The following EVI5 variants were observed in gnomAD, a reference collection of about 807,000 sequenced individuals.
EVI5 encodes the protein ecotropic viral integration site 5 protein homolog.
In EVI5, 73 loss-of-function variants were observed where a neutral mutation model predicts 112.0. The ratio of observed to expected loss-of-function variants is 0.65; its 90% CI spans 0.54 to 0.79. The LOEUF is 0.79. Ranked by LOEUF, EVI5 falls within the 30% of genes least tolerant of loss-of-function variation. The pLI is 0.00. For synonymous variants in EVI5, 305 were observed against 319.9 expected (o/e 0.95, Z 0.50); for missense variants, 900 against 968.8 (o/e 0.93, Z 0.94).
In EVI5 at chr1:92,511,235, G is replaced by GGTCA. The variant is rs1346986571; in HGVS notation, c.*2417_*2420dup. ...AGGTCAAAGTGGGTGGATCACCTGA[G>GGTCA]GTCAGAAGTTTGAGATCAGCCTGGC... On this transcript the variant is annotated 3_prime_UTR_variant, in exon 20 of 20. Transcript: ENST00000684568. The GGTCA allele has an allele frequency of 1.3e-5, 2 of 152,126 alleles. No homozygotes were observed. Among genetic ancestry groups the GGTCA allele is most frequent in the Non-Finnish European group, 2.9e-5 (2 of 68,042 alleles). The allele number at this position is 152,126 out of a possible 1,614,324, so 9.4% of individuals were successfully genotyped here.
chr1:92,589,827 G>A (rs958097087), intron 18 of EVI5, among the ~76,000 whole-genome samples: 2 of 152,166 alleles, frequency 1.3e-5, no homozygotes, highest in African/African-American at 4.8e-5. Flanking sequence ...CTCAAGTGGG[G>A]CCCTGACCCC....
At position 92,717,611 on chromosome 1, in the gene EVI5, C is replaced by T. The variant is rs148308690; in HGVS notation, c.150-12867G>A. ...AAACATGACAAACTGTAAAGACCAT[C>T]GACACTATGAAGAAACTGTATCAAT... On this transcript the variant is annotated intron_variant, in intron 2 of 19. Transcript: ENST00000684568. Among the ~76,000 whole-genome samples the T allele has an allele frequency of 4.4e-3, 665 of 152,254 alleles. 5 individuals carry two copies. The highest frequency in any genetic ancestry group is 0.015 in the African/African-American group (624 of 41,544).
At chr1:92,622,162 A>G in intron 16 of EVI5, 1 of 190,350 alleles carries the variant, frequency 5.3e-6, no homozygotes, top group Non-Finnish European at 1.1e-5. Flanking sequence ...AATCTAAAAT[A>G]TTAAAAACCT....
intron 1 of EVI5, among the ~76,000 whole-genome samples, chr1:92,766,358 G>T (rs1266768270): frequency 6.6e-6 from 1 of 151,292 alleles, no homozygotes; most frequent in Non-Finnish European, 1.5e-5. Flanking sequence ...CAGCAGCAAA[G>T]GTATTAAAAT....
intron 2 of EVI5, among the ~76,000 whole-genome samples, chr1:92,724,793 G>A (rs908045077): frequency 1.3e-5 from 2 of 151,978 alleles, no homozygotes; most frequent in African/African-American, 4.8e-5. Context: ...GAGCAACAGA[G>A]TAAGACCCTG....
At chr1:92,777,612 TA>T (rs1216490320) in intron 1 of EVI5, among the ~76,000 whole-genome samples, 3 of 152,152 alleles carry the variant, frequency 2.0e-5, no homozygotes, top group Non-Finnish European at 4.4e-5. Flanking sequence ...TGAAGAAATT[TA>T]AAAGGTATAA....
intron 13 of EVI5, among the ~76,000 whole-genome samples, chr1:92,638,701 C>T (rs896342691): frequency 6.6e-6 from 1 of 152,252 alleles, no homozygotes; most frequent in Non-Finnish European, 1.5e-5. Flanking sequence ...ACCTTCACCA[C>T]AATTACTGTC....
At chr1:92,719,320 C>T (rs151202354) in intron 2 of EVI5, among the ~76,000 whole-genome samples, 9,268 of 152,026 alleles carry the variant, frequency 0.061, 918 homozygotes, top group African/African-American at 0.2. Context: ...AAACCGAATC[C>T]AGCAGCACAT....
At position 92,562,083 on chromosome 1, in the gene EVI5, A is replaced by C. The variant is rs531816437; in HGVS notation, c.2166+1559T>G. ...AAGCTTCCTTATAATGAGACATCAA[A>C]ATTTTAAATGGGAGGTTGCTTTATT... On this transcript the variant is annotated intron_variant, in intron 19 of 19. Transcript: ENST00000684568. Among the ~76,000 whole-genome samples the C allele has an allele frequency of 3.3e-5, 5 of 152,290 alleles. No homozygotes were observed. In the East Asian group the frequency reaches 9.6e-4, roughly 29 times the overall value.
At chr1:92,518,344 G>A (rs889270657) in intron 19 of EVI5, among the ~76,000 whole-genome samples, 1 of 152,102 alleles carries the variant, frequency 6.6e-6, no homozygotes, top group African/African-American at 2.4e-5. Flanking sequence ...AATGAGACAC[G>A]GGTTTTTTAA....
chr1:92,736,786 A>G (rs1484420420), intron 1 of EVI5, among the ~76,000 whole-genome samples, 159 bp from the exon 2 acceptor site: 3 of 152,172 alleles, frequency 2.0e-5, no homozygotes, highest in Non-Finnish European at 4.4e-5. Flanking sequence ...CCTAATATCC[A>G]GCTTTTGCAA....
At chr1:92,756,139 G>T in intron 1 of EVI5, 1 of 361,324 alleles carries the variant, frequency 2.8e-6, no homozygotes, top group South Asian at 2.8e-5. Flanking sequence ...CAACAGCCTA[G>T]GTGTTATGAC....
chr1:92,605,423 G>A lies in EVI5; in HGVS notation c.1975-21C>T, dbSNP rs192801249. On this transcript the variant is annotated intron_variant, in intron 17 of 19. Transcript: ENST00000684568. ...TTATTCTAGTGTGGTAAACCAAACC[G>A]AAACAAAATAAACCAGGTGTGTTTG... The A allele has an allele frequency of 1.4e-3, 2,073 of 1,502,828 alleles. 5 individuals are homozygous for A. The highest frequency in any genetic ancestry group is 6.0e-3 in the African/African-American group (436 of 72,738). The allele number at this position is 1,502,828 out of a possible 1,614,324, so 93.1% of individuals were successfully genotyped here.
chr1:92,539,100 A>G (rs1664356297), intron 19 of EVI5, among the ~76,000 whole-genome samples: 1 of 152,172 alleles, frequency 6.6e-6, no homozygotes, highest in Non-Finnish European at 1.5e-5. Context: ...CAATAAGAGC[A>G]CTTATTTAGC....
At chr1:92,538,558 G>A (rs1386136142) in intron 19 of EVI5, among the ~76,000 whole-genome samples, 1 of 152,140 alleles carries the variant, frequency 6.6e-6, no homozygotes, top group African/African-American at 2.4e-5. Flanking sequence ...CTAGTGTTTA[G>A]GTGACAAGTG....
At chr1:92,626,709 T>C (rs1655752974) in intron 14 of EVI5, among the ~76,000 whole-genome samples, 1 of 152,194 alleles carries the variant, frequency 6.6e-6, no homozygotes, top group Non-Finnish European at 1.5e-5. Flanking sequence ...GTTAATAAAA[T>C]ACTAATCAGA....
chr1:92,530,079 C>G (rs1662603285), intron 19 of EVI5, among the ~76,000 whole-genome samples: 1 of 151,900 alleles, frequency 6.6e-6, no homozygotes, highest in Non-Finnish European at 1.5e-5. Context: ...TCTGTTAGAC[C>G]CTTGATGGTA....
intron 9 of EVI5, among the ~76,000 whole-genome samples, chr1:92,685,024 G>C (rs1321766227): frequency 3.3e-5 from 5 of 151,802 alleles, no homozygotes; most frequent in Admixed American, 1.3e-4. Flanking sequence ...AGGATATCCA[G>C]GACTTGAACT....
At chr1:92,631,347 T>G (rs1426657858) in intron 14 of EVI5, among the ~76,000 whole-genome samples, 1 of 152,214 alleles carries the variant, frequency 6.6e-6, no homozygotes, top group Non-Finnish European at 1.5e-5. Context: ...GTATCCTCTT[T>G]TATTTCATTG....
Sources: gnomAD v4.1 joint callset for allele counts (sites outside exome capture counted in the v4.1 genomes callset) on GRCh38, gnomAD v4.1.1 for gene constraint, MANE v1.5 for transcripts, NCBI Gene and HGNC (gene_info 2026-07-23, HGNC 2026-07-21) for gene names.